Variants in RABGAP1L observed in about 807,000 individuals in gnomAD.
RABGAP1L encodes the protein RAB GTPase activating protein 1 like.
RABGAP1L carries 63 observed loss-of-function variants against 137.7 expected under a neutral mutation model. The ratio of observed to expected loss-of-function variants is 0.46; its 90% CI spans 0.37 to 0.56. RABGAP1L has a LOEUF of 0.56. Ranked by LOEUF, RABGAP1L falls within the 20% of genes least tolerant of loss-of-function variation. The probability of loss-of-function intolerance (pLI) is 0.00; values close to 1 mark genes in which losing one functional copy is unlikely to be tolerated. For synonymous variants in RABGAP1L, 431 were observed against 433.7 expected, an observed-to-expected ratio of 0.99 and a Z score of 0.08; for missense variants, 1,095 against 1,244.0, an observed-to-expected ratio of 0.88 and a Z score of 1.80.
intron 18 of RABGAP1L, among the ~76,000 whole-genome samples, chr1:174,755,661 G>A (rs927768518): frequency 1.3e-5 from 2 of 152,116 alleles, no homozygotes; most frequent in Non-Finnish European, 2.9e-5. Context: ...CCATGCTTTG[G>A]CCTATGGTTA....
chr1:174,534,775 CAAAAAAAAAA>C (rs71117567), intron 13 of RABGAP1L, among the ~76,000 whole-genome samples: 87 of 71,626 alleles, frequency 1.2e-3, no homozygotes, highest in Admixed American at 6.1e-3. Flanking sequence ...ACTCTGTCTC[CAAAAAAAAAA>C]AAAAAAAAAA....
At chr1:174,249,117 A>T (rs1442873361) in intron 5 of RABGAP1L, among the ~76,000 whole-genome samples, 5 of 152,150 alleles carry the variant, frequency 3.3e-5, no homozygotes, top group African/African-American at 1.2e-4. Flanking sequence ...ACACACAAAT[A>T]CACACACATA....
intron 19 of RABGAP1L, among the ~76,000 whole-genome samples, chr1:174,943,498 T>A (rs1338602723): frequency 6.6e-6 from 1 of 152,216 alleles, no homozygotes; most frequent in Non-Finnish European, 1.5e-5. Flanking sequence ...CTTAACTTAC[T>A]TTGTAAATAC....
At chr1:174,872,104 A>G (rs1355864132) in intron 19 of RABGAP1L, among the ~76,000 whole-genome samples, 1 of 151,960 alleles carries the variant, frequency 6.6e-6, no homozygotes, top group Non-Finnish European at 1.5e-5. Flanking sequence ...TTAAGCAAGT[A>G]TTTATGTCCC....
At chr1:174,169,269 G>C (rs889369367) in intron 1 of RABGAP1L, among the ~76,000 whole-genome samples, 1 of 152,112 alleles carries the variant, frequency 6.6e-6, no homozygotes, top group African/African-American at 2.4e-5. Flanking sequence ...GCCCAGGCTG[G>C]AGTGCAGTGG....
chr1:174,617,825 A>G (rs757263422), intron 13 of RABGAP1L, among the ~76,000 whole-genome samples: 2 of 152,188 alleles, frequency 1.3e-5, no homozygotes, highest in East Asian at 1.9e-4. Flanking sequence ...CGCATTTCCA[A>G]CAGAAGCACT....
chr1:174,205,195 C>T (rs544137098), intron 1 of RABGAP1L, among the ~76,000 whole-genome samples: 2 of 152,200 alleles, frequency 1.3e-5, no homozygotes, highest in South Asian at 4.2e-4. Flanking sequence ...TTGCCGGATT[C>T]GGTTTTCAAG....
intron 13 of RABGAP1L, among the ~76,000 whole-genome samples, chr1:174,492,563 T>G (rs1053750221): frequency 6.6e-6 from 1 of 152,092 alleles, no homozygotes; most frequent in South Asian, 2.1e-4. Flanking sequence ...TTAGCCAGGC[T>G]GGTCTCGAAC....
chr1:174,814,617 G>A lies in RABGAP1L; in HGVS notation c.2340+2657G>A, dbSNP rs958072503. Among the ~76,000 whole-genome samples the A allele has an allele frequency of 5.3e-5, 8 of 151,820 alleles. No homozygotes were observed. In the East Asian group the frequency reaches 1.2e-3, roughly 22 times the overall value. ...ATGTCAAGACCATGACTATATGTAC[G>A]TACTTACATACACATAACTGAAGAG... On this transcript the variant is annotated intron_variant, in intron 19 of 25. Transcript: ENST00000681986.
At chr1:174,457,850 G>A (rs1301418831) in intron 13 of RABGAP1L, among the ~76,000 whole-genome samples, 1 of 151,964 alleles carries the variant, frequency 6.6e-6, no homozygotes, top group African/African-American at 2.4e-5. Flanking sequence ...CCTAATATTT[G>A]TCTTGTGATT....
intron 13 of RABGAP1L, among the ~76,000 whole-genome samples, chr1:174,431,557 T>C (rs1652631036): frequency 6.6e-6 from 1 of 152,216 alleles, no homozygotes. Context: ...TACCTTTATT[T>C]GCTCTTTGAG....
In RABGAP1L at chr1:174,991,965, AGTTCT is replaced by A. The variant is rs1249295694; in HGVS notation, c.*1967_*1971del. 1 of 152,162 alleles carries A rather than the reference AGTTCT, an allele frequency of 6.6e-6. No homozygotes were observed. The highest frequency in any genetic ancestry group is 2.4e-5 in the African/African-American group (1 of 41,434). The allele number at this position is 152,162 out of a possible 1,614,324, so 9.4% of individuals were successfully genotyped here. On this transcript the variant is annotated 3_prime_UTR_variant, in exon 26 of 26. Coordinates refer to ENST00000681986, the MANE Select transcript of RABGAP1L (RefSeq NM_001366446.1). The stretch of plus-strand genomic sequence containing the variant: ...TGCTCTTTTGTGTTGTGAATTTCAT[AGTTCT>A]GTACAGAGCTTGTTTCAATTTACAA...
chr1:174,622,570 T>C (rs1230723922), intron 13 of RABGAP1L, among the ~76,000 whole-genome samples: 1 of 152,192 alleles, frequency 6.6e-6, no homozygotes, highest in Non-Finnish European at 1.5e-5. Flanking sequence ...TGGATGAAGT[T>C]GGAAACCATC....
intron 18 of RABGAP1L, among the ~76,000 whole-genome samples, chr1:174,796,100 A>G (rs1688222286): frequency 6.6e-6 from 1 of 152,244 alleles, no homozygotes; most frequent in Non-Finnish European, 1.5e-5. Context: ...GAAATCATGC[A>G]TTATTAACTA....
At chr1:174,730,007 T>A (rs911814706) in intron 17 of RABGAP1L, among the ~76,000 whole-genome samples, 2 of 152,174 alleles carry the variant, frequency 1.3e-5, no homozygotes, top group Non-Finnish European at 2.9e-5. Context: ...AGACATACAC[T>A]TACATGTTAA....
intron 11 of RABGAP1L, among the ~76,000 whole-genome samples, chr1:174,348,917 T>C: frequency 6.6e-6 from 1 of 152,242 alleles, no homozygotes; most frequent in East Asian, 1.9e-4. Flanking sequence ...CTTTCCCGCC[T>C]TTCTATTCCA....
intron 13 of RABGAP1L, among the ~76,000 whole-genome samples, chr1:174,506,553 CA>C (rs1661833541): frequency 1.3e-5 from 2 of 152,030 alleles, no homozygotes. Flanking sequence ...ATTCCATTTA[CA>C]ATAGCTACAA....
intron 1 of RABGAP1L, among the ~76,000 whole-genome samples, chr1:174,196,736 G>A (rs1442611275): frequency 2.0e-5 from 3 of 151,896 alleles, no homozygotes; most frequent in Non-Finnish European, 4.4e-5. Context: ...ATTGTCCTGA[G>A]AACATCAATT....
At chr1:174,638,522 C>T (rs1674248556) in intron 14 of RABGAP1L, among the ~76,000 whole-genome samples, 1 of 151,130 alleles carries the variant, frequency 6.6e-6, no homozygotes, top group Non-Finnish European at 1.5e-5. Context: ...TTGACCCAGC[C>T]ATCCCATTAC....
Sources: allele counts gnomAD v4.1 joint callset (sites outside exome capture counted in the v4.1 genomes callset), GRCh38; gene constraint gnomAD v4.1.1; transcripts MANE v1.5; gene names NCBI Gene and HGNC (gene_info 2026-07-23, HGNC 2026-07-21).